The following PAX2 variants were observed in gnomAD, a reference collection of about 807,000 sequenced individuals.
PAX2 encodes the protein paired box 2.
In PAX2, 9 loss-of-function variants were observed where a neutral mutation model predicts 41.7. The ratio of observed to expected loss-of-function variants is 0.22; its 90% confidence interval spans 0.13 to 0.38. The LOEUF is 0.38. Ranked by LOEUF, PAX2 falls within the 10% of genes least tolerant of loss-of-function variation. The pLI, the probability that PAX2 is intolerant of heterozygous loss-of-function variation, is 1.00. For synonymous variants in PAX2, 221 were observed against 212.7 expected, an observed-to-expected ratio of 1.04 and a Z score of -0.34; for missense variants, 418 against 531.6, an observed-to-expected ratio of 0.79 and a Z score of 2.10.
chr10:100,821,635 A>C (rs1298631081), intron 7 of PAX2, among the ~76,000 whole-genome samples: 2 of 152,246 alleles, frequency 1.3e-5, no homozygotes, highest in Non-Finnish European at 2.9e-5. Context: ...ATAGGACTGC[A>C]TCCAGGTTAG....
chr10:100,810,163 C>T lies in PAX2; in HGVS notation c.919+927C>T, dbSNP rs60276550. ...GGCGTTACCTGCAGAGCGAGGCAAG[C>T]GGAGGTGGCCTGCGGACCCAGCAGC... On this transcript the variant is annotated intron_variant, in intron 7 of 9. Coordinates refer to ENST00000355243, the MANE Select transcript of PAX2 (RefSeq NM_000278.5). Among the ~76,000 whole-genome samples the T allele has an allele frequency of 7.9e-3, 1,199 of 152,122 alleles. 13 individuals are homozygous for T. Among genetic ancestry groups the T allele is most frequent in the African/African-American group, 0.017 (708 of 41,506 alleles).
chr10:100,775,866 C>T (rs1420167194), intron 3 of PAX2, among the ~76,000 whole-genome samples: 2 of 152,230 alleles, frequency 1.3e-5, no homozygotes, highest in Admixed American at 1.3e-4. Context: ...TGTGATCAAA[C>T]TCCAAATCTT....
intron 5 of PAX2, among the ~76,000 whole-genome samples, chr10:100,794,914 C>T (rs10748798): frequency 0.91 from 138,472 of 152,262 alleles, 63,012 homozygotes; most frequent in East Asian, 1. Flanking sequence ...CTGAATTTCA[C>T]CTTGTTGGTT....
At chr10:100,818,017 A>G (rs1015430196) in intron 7 of PAX2, among the ~76,000 whole-genome samples, 3 of 152,218 alleles carry the variant, frequency 2.0e-5, no homozygotes, top group African/African-American at 7.2e-5. Context: ...TTTTGTAAGT[A>G]TTATAAATGC....
upstream of PAX2, among the ~76,000 whole-genome samples, chr10:100,745,025 G>A (rs1036417117): frequency 6.9e-6 from 1 of 145,246 alleles, no homozygotes; most frequent in Non-Finnish European, 1.5e-5. Flanking sequence ...AGCCGGGAAG[G>A]AACGGAAGGG....
At chr10:100,740,295 T>G (rs1844907661) in intron 1 of PAX2, among the ~76,000 whole-genome samples, 1 of 151,348 alleles carries the variant, frequency 6.6e-6, no homozygotes, top group Admixed American at 6.6e-5. Flanking sequence ...AGTGAGGAAT[T>G]TAACCGATCC....
At chr10:100,780,093 C>G (rs1268410836) in intron 4 of PAX2, among the ~76,000 whole-genome samples, 1 of 152,108 alleles carries the variant, frequency 6.6e-6, no homozygotes, top group Non-Finnish European at 1.5e-5. Context: ...CTTCTCTCTT[C>G]TTCTTAGGTG....
intron 5 of PAX2, 87 bp downstream of exon 5, chr10:100,781,452 G>A: frequency 1.0e-5 from 14 of 1,392,812 alleles, no homozygotes; most frequent in Non-Finnish European, 1.4e-5. Flanking sequence ...CCTCGCAGCT[G>A]CTCTGCTGTG....
At chr10:100,804,741 G>A (rs975477362) in intron 5 of PAX2, among the ~76,000 whole-genome samples, 8 of 152,092 alleles carry the variant, frequency 5.3e-5, no homozygotes, top group Middle Eastern at 3.2e-3. Context: ...GCGTAGACAC[G>A]CAATACTCAC....
intron 1 of PAX2, chr10:100,749,256 G>A (rs752457544): frequency 2.1e-4 from 205 of 993,332 alleles, no homozygotes; most frequent in Middle Eastern, 1.0e-3. Flanking sequence ...CTAGGAGCTC[G>A]GATAAACAGT....
chr10:100,815,413 TG>T (rs971847519), intron 7 of PAX2, among the ~76,000 whole-genome samples: 1 of 152,116 alleles, frequency 6.6e-6, no homozygotes, highest in African/African-American at 2.4e-5. Flanking sequence ...ATCCCTTTAC[TG>T]TGGAGGCCAA....
Position 100,777,252 on chromosome 10 carries a change from C to T in PAX2, c.411-2246C>T, listed in dbSNP as rs185406946. ...GAGTAGCTGGGATTACAGGTGCATA[C>T]CACCACACCTGGCTAATTTTGTATT... On this transcript the variant is annotated intron_variant, in intron 3 of 9. Transcript: ENST00000355243. Among the ~76,000 whole-genome samples the T allele has an allele frequency of 3.3e-3, 500 of 151,724 alleles. 1 individual carries two copies. Among genetic ancestry groups the T allele is most frequent in the African/African-American group, 0.011 (459 of 41,324 alleles).
chr10:100,786,029 G>A (rs376898954), intron 5 of PAX2, among the ~76,000 whole-genome samples: 3 of 152,320 alleles, frequency 2.0e-5, no homozygotes, highest in African/African-American at 4.8e-5. Context: ...TCTTGGAGAC[G>A]CATCCTTGTG....
chr10:100,739,701 A>C (rs1844887894), intron 1 of PAX2, among the ~76,000 whole-genome samples: 1 of 151,022 alleles, frequency 6.6e-6, no homozygotes, highest in African/African-American at 2.4e-5. Flanking sequence ...GCCTGCCCCC[A>C]CCCTCCGCAG....
chr10:100,749,306 C>T (rs944329430), intron 1 of PAX2: 3 of 1,002,978 alleles, frequency 3.0e-6, no homozygotes, highest in East Asian at 2.0e-4. Context: ...CGCCTCCAAG[C>T]CCCGCACGCG....
intron 5 of PAX2, 123 bp from the exon 6 acceptor site, chr10:100,806,307 A>G: frequency 2.0e-6 from 2 of 976,574 alleles, no homozygotes; most frequent in East Asian, 2.4e-5. Flanking sequence ...GCTGAGAGTA[A>G]GGGGTCCCAT....
chr10:100,744,309 A>T (rs1243287215), upstream of PAX2, among the ~76,000 whole-genome samples: 3 of 152,226 alleles, frequency 2.0e-5, no homozygotes, highest in Non-Finnish European at 2.9e-5. Flanking sequence ...GACCCAGGGA[A>T]GCGGGGGGAG....
At position 100,806,487 on chromosome 10, in the gene PAX2, G is replaced by A. The variant is rs765955789; in HGVS notation, c.674G>A (p.Arg225Gln). 44 of 1,614,088 alleles carry A rather than the reference G, an allele frequency of 2.7e-5. No homozygotes were observed. Among genetic ancestry groups the A allele is most frequent in the African/African-American group, 4.0e-5 (3 of 74,930 alleles). Residue 225 changes from arginine (R) to glutamine (Q), a missense_variant, in exon 6 of 10, where the codon CGG becomes CAG. Arg to Gln is a conservative substitution (Grantham distance 43, BLOSUM62 1). This residue lies in a region of PAX2 where 310 missense variants were observed against 325.2 expected (regional missense o/e 0.95). Transcript: ENST00000355243. Reference sequence around the variant, plus strand: ...TCCCAGAGTGGTGTGGACAGTTTGCGGAAGCACTTGCGAGCTGACACCTTC... The same window carrying A: ...TCCCAGAGTGGTGTGGACAGTTTGCAGAAGCACTTGCGAGCTGACACCTTC... Reference protein sequence around the residue: ...GDSQSGVDSLRKHLRADTFTQ... With the variant: ...GDSQSGVDSLQKHLRADTFTQ...
intron 3 of PAX2, among the ~76,000 whole-genome samples, chr10:100,762,504 C>A (rs61374004): frequency 0.026 from 3,957 of 152,166 alleles, 179 homozygotes; most frequent in African/African-American, 0.087. Context: ...AAGTGGTAAT[C>A]CTAAATGCTA....
Sources: gnomAD v4.1 joint callset for allele counts (sites outside exome capture counted in the v4.1 genomes callset) on GRCh38, gnomAD v4.1.1 for gene constraint, gnomAD v4.1.1 regional missense constraint, MANE v1.5 for transcripts, NCBI Gene and HGNC (gene_info 2026-07-23, HGNC 2026-07-21) for gene names.